CCDC18: variants seen among roughly 807,000 people sequenced by gnomAD.
The protein encoded by CCDC18 is coiled-coil domain containing 18.
A neutral mutation model predicts 196.0 loss-of-function variants in CCDC18; 157 were observed. The observed-to-expected ratio is 0.80, with a 90% confidence interval of 0.70 to 0.91. The LOEUF (loss-of-function observed/expected upper bound fraction) is 0.91, where lower values mean the gene tolerates loss of function less well. Ranked by LOEUF, CCDC18 falls within the 40% of genes least tolerant of loss-of-function variation. The pLI is 0.00. For synonymous variants in CCDC18, 482 were observed against 529.2 expected (o/e 0.91, Z 1.22); for missense variants, 1,465 against 1,611.6 (o/e 0.91, Z 1.56).
chr1:93,211,118 T>C (rs369352477), intron 10 of CCDC18, among the ~76,000 whole-genome samples, 192 bp downstream of exon 10: 3 of 151,562 alleles, frequency 2.0e-5, no homozygotes, highest in African/African-American at 7.3e-5. Context: ...CTACTAAAAA[T>C]ACAAAAATTA....
At chr1:93,221,979 T>C (rs759910352) in intron 16 of CCDC18, 43 bp downstream of exon 16, 8 of 1,357,382 alleles carry the variant, frequency 5.9e-6, no homozygotes, top group Non-Finnish European at 8.1e-6. Flanking sequence ...TCCTTTTTTT[T>C]TTTTTTAACA....
At chr1:93,233,621 G>A (rs1354744178) in intron 18 of CCDC18, among the ~76,000 whole-genome samples, 2 of 132,410 alleles carry the variant, frequency 1.5e-5, no homozygotes, top group African/African-American at 3.9e-5. Flanking sequence ...TTTTTGAGAC[G>A]GAGTTTCACT....
At chr1:93,249,262 A>G (rs1435488784) in intron 23 of CCDC18, among the ~76,000 whole-genome samples, 1 of 152,160 alleles carries the variant, frequency 6.6e-6, no homozygotes, top group Non-Finnish European at 1.5e-5. Flanking sequence ...GTAGTTGTTC[A>G]TAACAGTCTG....
At chr1:93,271,453 C>CTGTT in intron 28 of CCDC18, 9 of 985,208 alleles carry the variant, frequency 9.1e-6, no homozygotes, top group Non-Finnish European at 1.1e-5. Flanking sequence ...ATATGCTTGC[C>CTGTT]TGTTTTGCTT....
intron 1 of CCDC18, 107 bp from the exon 2 acceptor site, chr1:93,183,253 A>G (rs75081640): frequency 0.026 from 19,933 of 771,682 alleles, 357 homozygotes; most frequent in Non-Finnish European, 0.033. Flanking sequence ...AGATTTCACA[A>G]CATTTAAAAT....
At chr1:93,194,053 T>A in intron 6 of CCDC18, among the ~76,000 whole-genome samples, 1 of 152,112 alleles carries the variant, frequency 6.6e-6, no homozygotes. Flanking sequence ...GAGTTTAAAA[T>A]ACTAACAGGG....
intron 23 of CCDC18, among the ~76,000 whole-genome samples, chr1:93,253,974 TTTTA>T (rs1448198545): frequency 6.6e-6 from 1 of 152,112 alleles, no homozygotes; most frequent in African/African-American, 2.4e-5. Flanking sequence ...AGGATTCTTT[TTTTA>T]TTTTATTTTA....
At chr1:93,200,159 T>G (rs1466588596) in intron 6 of CCDC18, among the ~76,000 whole-genome samples, 2 of 151,944 alleles carry the variant, frequency 1.3e-5, no homozygotes, top group African/African-American at 2.4e-5. Flanking sequence ...TAACTTTTTG[T>G]AGAGACGATC....
intron 23 of CCDC18, among the ~76,000 whole-genome samples, chr1:93,250,770 A>G (rs555896056): frequency 3.0e-5 from 4 of 135,512 alleles, no homozygotes; most frequent in Admixed American, 2.7e-4. Context: ...TTGTCTAAGT[A>G]TAGCTATTTC....
chr1:93,215,337 T>G (rs1272317127), intron 12 of CCDC18, among the ~76,000 whole-genome samples: 6 of 152,298 alleles, frequency 3.9e-5, no homozygotes, highest in African/African-American at 1.2e-4. Flanking sequence ...ATTTCAAATT[T>G]TAGCAAACCC....
intron 3 of CCDC18, 106 bp downstream of exon 3, chr1:93,184,252 TTTC>T: frequency 2.6e-6 from 1 of 380,478 alleles, no homozygotes; most frequent in Non-Finnish European, 4.4e-6. Flanking sequence ...AAAAAAATTT[TTTC>T]TTTAAATACC....
chr1:93,266,642 A>C (rs150974632), intron 27 of CCDC18, among the ~76,000 whole-genome samples: 13,572 of 152,210 alleles, frequency 0.089, 1,989 homozygotes, highest in African/African-American at 0.31. Flanking sequence ...AATACAAACT[A>C]CCATCAGAGA....
chr1:93,183,866 T>C, intron 2 of CCDC18, 112 bp from the exon 3 acceptor site: 1 of 593,366 alleles, frequency 1.7e-6, no homozygotes. Flanking sequence ...TGTTCATAAC[T>C]GTGAATCTGC....
At chr1:93,192,779 A>G (rs945545198) in intron 5 of CCDC18, among the ~76,000 whole-genome samples, 2 of 152,202 alleles carry the variant, frequency 1.3e-5, no homozygotes, top group Non-Finnish European at 2.9e-5. Context: ...TTTGAATAAA[A>G]TGGGAAATAT....
At position 93,233,635 on chromosome 1, in the gene CCDC18, G is replaced by A. The variant is rs566498814; in HGVS notation, c.2460+1042G>A. ...TTTTTTGAGACGGAGTTTCACTCTT[G>A]TCACCCAGGCTGGAGTGCAATGGCG... On this transcript the variant is annotated intron_variant, in intron 18 of 28. Transcript: ENST00000690025. Among the ~76,000 whole-genome samples the A allele has an allele frequency of 1.2e-4, 10 of 83,866 alleles. No homozygotes were observed. The East Asian group carries it at 2.1e-3, about 18-fold the overall frequency. 55.0% of individuals were successfully genotyped at this position (83,866 alleles called of 152,430 possible). A position where few individuals can be genotyped will look rare whatever the true frequency, so the allele number is the denominator to read the frequency against.
At chr1:93,218,575 T>C (rs538119294) in intron 14 of CCDC18, among the ~76,000 whole-genome samples, 1 of 151,910 alleles carries the variant, frequency 6.6e-6, no homozygotes, top group Non-Finnish European at 1.5e-5. Flanking sequence ...AATGGTGTGA[T>C]CTCAGCTCAC....
intron 23 of CCDC18, among the ~76,000 whole-genome samples, chr1:93,248,160 GC>G (rs1661753385): frequency 6.6e-6 from 1 of 151,622 alleles, no homozygotes; most frequent in Non-Finnish European, 1.5e-5. Context: ...GATTACAGGT[GC>G]CCACCACCAC....
At chr1:93,219,885 G>T (rs1002044152) in intron 14 of CCDC18, among the ~76,000 whole-genome samples, 2 of 152,082 alleles carry the variant, frequency 1.3e-5, no homozygotes, top group Admixed American at 6.6e-5. Context: ...TCCAAGAAAA[G>T]AAAGATTTAT....
intron 26 of CCDC18, chr1:93,262,215 T>C (rs1196902987): frequency 3.9e-5 from 6 of 152,150 alleles, no homozygotes; most frequent in African/African-American, 1.4e-4. Flanking sequence ...ATTCCAACCC[T>C]GGCCCCTCCC....
Sources: allele counts gnomAD v4.1 joint callset (sites outside exome capture counted in the v4.1 genomes callset), GRCh38; gene constraint gnomAD v4.1.1; transcripts MANE v1.5; gene names NCBI Gene and HGNC (gene_info 2026-07-23, HGNC 2026-07-21).